NOL4: variants seen among roughly 807,000 people sequenced by gnomAD.
The protein encoded by NOL4 is cancer/testis antigen 125.
Under a neutral mutation model 75.9 loss-of-function variants are expected in NOL4, and 17 were observed. That is an observed-to-expected ratio of 0.22 (90% confidence interval 0.15 to 0.34). The LOEUF is 0.34. Ranked by LOEUF, NOL4 falls within the 10% of genes least tolerant of loss-of-function variation. The pLI, the probability that NOL4 is intolerant of heterozygous loss-of-function variation, is 1.00. For missense variants in NOL4, 614 were observed against 793.5 expected, an observed-to-expected ratio of 0.77 and a Z score of 2.72; for synonymous variants, 292 against 289.9, an observed-to-expected ratio of 1.01 and a Z score of -0.07.
intron 5 of NOL4, among the ~76,000 whole-genome samples, chr18:34,091,808 A>G (rs1568330160): frequency 6.6e-6 from 1 of 152,240 alleles, no homozygotes; most frequent in African/African-American, 2.4e-5. Flanking sequence ...AGTATCTTAC[A>G]TGTAAGGCAA....
chr18:34,139,090 T>A (rs2081025367), intron 1 of NOL4, among the ~76,000 whole-genome samples: 2 of 152,242 alleles, frequency 1.3e-5, no homozygotes, highest in African/African-American at 4.8e-5. Context: ...AGTATTTTAT[T>A]GAGGATTTTT....
intron 9 of NOL4, among the ~76,000 whole-genome samples, chr18:33,902,656 CT>C (rs1446594737): frequency 6.6e-6 from 1 of 151,986 alleles, no homozygotes; most frequent in Non-Finnish European, 1.5e-5. Flanking sequence ...AATGTGAGTT[CT>C]TTTTTCATCA....
At chr18:34,023,165 A>G (rs2075140569) in intron 5 of NOL4, among the ~76,000 whole-genome samples, 1 of 152,210 alleles carries the variant, frequency 6.6e-6, no homozygotes, top group South Asian at 2.1e-4. Context: ...AAAAACAATA[A>G]TGTCTCACAA....
chr18:34,151,340 C>T (rs957006352), intron 1 of NOL4, among the ~76,000 whole-genome samples: 3 of 151,776 alleles, frequency 2.0e-5, no homozygotes, highest in Admixed American at 6.6e-5. Flanking sequence ...AGTGAATAAA[C>T]TGGTGCACCC....
intron 6 of NOL4, among the ~76,000 whole-genome samples, chr18:34,011,808 T>G (rs1028860489): frequency 6.6e-6 from 1 of 151,896 alleles, no homozygotes; most frequent in African/African-American, 2.4e-5. Flanking sequence ...AAATACAATC[T>G]ATAACTAACC....
At chr18:34,098,520 TAACA>T in intron 4 of NOL4, among the ~76,000 whole-genome samples, 1 of 152,242 alleles carries the variant, frequency 6.6e-6, no homozygotes, top group Middle Eastern at 3.4e-3. Flanking sequence ...ATGCCAGAAG[TAACA>T]AAATAAATCA....
chr18:33,983,529 T>A (rs2072161384), intron 6 of NOL4, among the ~76,000 whole-genome samples: 1 of 151,970 alleles, frequency 6.6e-6, no homozygotes, highest in Admixed American at 6.6e-5. Flanking sequence ...TATACACATA[T>A]TTATGAAACC....
chr18:34,175,311 A>G (rs998160293), intron 1 of NOL4, among the ~76,000 whole-genome samples: 2 of 152,126 alleles, frequency 1.3e-5, no homozygotes, highest in South Asian at 4.1e-4. Flanking sequence ...AGTGTGAAAA[A>G]CCTTCTCCTC....
At chr18:33,971,100 C>A (rs1251028363) in intron 6 of NOL4, among the ~76,000 whole-genome samples, 1 of 152,096 alleles carries the variant, frequency 6.6e-6, no homozygotes, top group African/African-American at 2.4e-5. Flanking sequence ...ATTGGAAGAA[C>A]GTGAAAGAAT....
chr18:33,875,675 C>T (rs932271856), intron 10 of NOL4, among the ~76,000 whole-genome samples: 1 of 151,988 alleles, frequency 6.6e-6, no homozygotes, highest in African/African-American at 2.4e-5. Context: ...CTAAGATTAA[C>T]CCTTCCCTCC....
chr18:34,042,080 C>T (rs976894075), intron 5 of NOL4, among the ~76,000 whole-genome samples: 1 of 151,910 alleles, frequency 6.6e-6, no homozygotes, highest in Admixed American at 6.6e-5. Context: ...TCTATAAATA[C>T]AAAGTTCTGA....
At chr18:33,907,581 G>A (rs945694402) in intron 9 of NOL4, among the ~76,000 whole-genome samples, 2 of 152,070 alleles carry the variant, frequency 1.3e-5, no homozygotes, top group East Asian at 1.9e-4. Flanking sequence ...ACTTTTAGAA[G>A]CACAATGGAG....
At chr18:34,161,605 A>AT (rs574441552) in intron 1 of NOL4, among the ~76,000 whole-genome samples, 4 of 151,244 alleles carry the variant, frequency 2.6e-5, no homozygotes, top group East Asian at 2.0e-4. Context: ...TGATGTTGAG[A>AT]TTTTTTTTTC....
At chr18:33,862,748 A>C (rs1300772379) in intron 10 of NOL4, among the ~76,000 whole-genome samples, 1 of 152,186 alleles carries the variant, frequency 6.6e-6, no homozygotes, top group Non-Finnish European at 1.5e-5. Flanking sequence ...TTAGAATGGC[A>C]ATCATTAAAA....
chr18:34,135,414 C>T (rs1334726477), intron 1 of NOL4, among the ~76,000 whole-genome samples: 1 of 151,954 alleles, frequency 6.6e-6, no homozygotes, highest in Non-Finnish European at 1.5e-5. Context: ...AAAAGCTATT[C>T]ACAGCGGGGT....
intron 1 of NOL4, among the ~76,000 whole-genome samples, chr18:34,165,441 T>C (rs548869316): frequency 6.6e-6 from 1 of 152,210 alleles, no homozygotes; most frequent in South Asian, 2.1e-4. Context: ...AAGGTTAGCC[T>C]AGCACACCAC....
intron 2 of NOL4, among the ~76,000 whole-genome samples, chr18:34,118,442 A>C (rs2079967195): frequency 6.6e-6 from 1 of 152,212 alleles, no homozygotes; most frequent in Admixed American, 6.5e-5. Context: ...TGTAAAACAT[A>C]AAATTGAAAT....
rs181711791 is a variant in NOL4 at position 34,027,301 on chromosome 18, G to C, written c.773-7700C>G. On this transcript the variant is annotated intron_variant, in intron 5 of 10. Transcript: ENST00000261592. ...GTTGGAGAATAGGTATTTGGTAAAG[G>C]GTGTTGGGGTCAGGAATCATGGGAT... is the stretch of plus-strand genomic sequence containing the variant. 4.0e-3 allele frequency among the ~76,000 whole-genome samples: 613 copies of C among 152,246 alleles called. 2 individuals are homozygous for C. Among genetic ancestry groups the C allele is most frequent in the Middle Eastern group, 0.01 (3 of 292 alleles).
chr18:34,013,760 A>G (rs747397783), intron 6 of NOL4, among the ~76,000 whole-genome samples: 6 of 151,954 alleles, frequency 3.9e-5, no homozygotes, highest in Non-Finnish European at 8.8e-5. Flanking sequence ...ACTCATTTAT[A>G]TGTCTGCTTT....
Sources: gnomAD v4.1 joint callset for allele counts (sites outside exome capture counted in the v4.1 genomes callset) on GRCh38, gnomAD v4.1.1 for gene constraint, MANE v1.5 for transcripts, NCBI Gene and HGNC (gene_info 2026-07-23, HGNC 2026-07-21) for gene names.